PCDHA3: variants seen among roughly 807,000 people sequenced by gnomAD.
PCDHA3 encodes the protein protocadherin alpha-3.
A neutral mutation model predicts 62.2 loss-of-function variants in PCDHA3; 41 were observed. The observed-to-expected ratio is 0.66, with a 90% CI of 0.51 to 0.86. PCDHA3 has a LOEUF of 0.86. Among genes scored for constraint, PCDHA3 ranks in the 40% least tolerant of loss-of-function variants. The probability of loss-of-function intolerance (pLI) is 0.00; values close to 1 mark genes in which losing one functional copy is unlikely to be tolerated. For missense variants in PCDHA3, 1,304 were observed against 1,241.2 expected (o/e 1.05, Z -0.76); for synonymous variants, 640 against 555.4 (o/e 1.15, Z -2.14).
chr5:141,010,016 CT>C lies in PCDHA3; in HGVS notation c.*84del. 1 of 1,572,200 alleles carries C rather than the reference CT, an allele frequency of 6.4e-7. No homozygotes were observed. The highest frequency in any genetic ancestry group is 8.6e-7 in the Non-Finnish European group (1 of 1,163,240). On this transcript the variant is annotated 3_prime_UTR_variant, in exon 4 of 4. Transcript: ENST00000522353. Reference sequence around the variant, plus strand: ...TCTCCCATGTAGCAATTCCCTGCTCCTTTTTCCTATCTACATGAGCCCTCTT... The same window carrying C: ...TCTCCCATGTAGCAATTCCCTGCTCCTTTTCCTATCTACATGAGCCCTCTT...
At chr5:140,809,781 T>A in intron 1 of PCDHA3, 1 of 503,024 alleles carries the variant, frequency 2.0e-6, no homozygotes, top group South Asian at 3.5e-5. Context: ...TCAATGCATA[T>A]TAACAGAACT....
intron 1 of PCDHA3, among the ~76,000 whole-genome samples, chr5:140,902,661 C>T (rs1554190552): frequency 6.6e-6 from 1 of 152,036 alleles, no homozygotes; most frequent in Non-Finnish European, 1.5e-5. Flanking sequence ...CACCTGTCAC[C>T]CAAGCAGTGT....
At chr5:140,869,098 T>C (rs1581867822) in intron 1 of PCDHA3, 7 of 1,596,122 alleles carry the variant, frequency 4.4e-6, no homozygotes, top group Non-Finnish European at 5.1e-6. Flanking sequence ...GCCAATTTCG[T>C]ATGCGATGTT....
chr5:140,877,225 G>T, intron 1 of PCDHA3: 1 of 1,613,746 alleles, frequency 6.2e-7, no homozygotes, highest in South Asian at 1.1e-5. Context: ...ACCGCGGTCG[G>T]TGGGTGCGGG....
intron 1 of PCDHA3, chr5:140,871,176 G>T: frequency 6.2e-7 from 1 of 1,613,534 alleles, no homozygotes; most frequent in African/African-American, 1.3e-5. Context: ...CAGAGGCTGC[G>T]CTGGTGGATG....
At chr5:140,901,909 C>T (rs2068974930) in intron 1 of PCDHA3, among the ~76,000 whole-genome samples, 1 of 151,454 alleles carries the variant, frequency 6.6e-6, no homozygotes, top group African/African-American at 2.4e-5. Context: ...TTGTGGAGAT[C>T]TTTCACTTCT....
chr5:140,830,136 C>A (rs782778260), intron 1 of PCDHA3: 1 of 1,613,258 alleles, frequency 6.2e-7, no homozygotes, highest in South Asian at 1.1e-5. Flanking sequence ...TCATCACGGG[C>A]GTCGGTGGGC....
intron 1 of PCDHA3, among the ~76,000 whole-genome samples, chr5:140,898,157 G>A (rs1455235992): frequency 1.3e-5 from 2 of 152,162 alleles, no homozygotes; most frequent in South Asian, 4.1e-4. Context: ...CACGCTGATG[G>A]TGGTTTCTTT....
At chr5:140,961,558 A>T (rs1285175060) in intron 1 of PCDHA3, among the ~76,000 whole-genome samples, 1 of 151,976 alleles carries the variant, frequency 6.6e-6, no homozygotes, top group Admixed American at 6.6e-5. Context: ...TTCTTTTTTT[A>T]AATTTTGTTT....
chr5:140,873,461 T>A (rs2054305243), intron 1 of PCDHA3, among the ~76,000 whole-genome samples: 1 of 152,224 alleles, frequency 6.6e-6, no homozygotes, highest in Admixed American at 6.5e-5. Context: ...GCATTTTAGA[T>A]AATTCAAATT....
At chr5:140,892,469 A>T (rs557049666) in intron 1 of PCDHA3, among the ~76,000 whole-genome samples, 1 of 152,184 alleles carries the variant, frequency 6.6e-6, no homozygotes, top group Admixed American at 6.5e-5. Context: ...ACGGTTATTC[A>T]GTTTCCTAGC....
intron 1 of PCDHA3, chr5:140,882,641 G>A (rs1464189390): frequency 6.2e-7 from 1 of 1,614,104 alleles, no homozygotes; most frequent in Non-Finnish European, 8.5e-7. Context: ...GAAGGTGAGG[G>A]ACATTAACGA....
chr5:140,849,643 G>A, intron 1 of PCDHA3: 1 of 1,598,612 alleles, frequency 6.3e-7, no homozygotes, highest in Non-Finnish European at 8.6e-7. Flanking sequence ...GATGCCAACG[G>A]GCAGGTTACC....
At chr5:140,878,859 C>T (rs2057755620) in intron 1 of PCDHA3, among the ~76,000 whole-genome samples, 1 of 152,188 alleles carries the variant, frequency 6.6e-6, no homozygotes, top group African/African-American at 2.4e-5. Flanking sequence ...TTCAACTGAT[C>T]CTCCATTTCA....
rs781841971 is a variant in PCDHA3 at position 140,801,694 on chromosome 5, CGTT to C, written c.502_504del (p.Leu168del). 5.0e-6 allele frequency: 8 copies of C among 1,613,998 alleles called. No individual in the cohort carries two copies. The South Asian group carries it at 7.7e-5, about 16-fold the overall frequency. On this transcript the variant is annotated inframe_deletion, in exon 1 of 4. Coordinates refer to ENST00000522353, the MANE Select transcript of PCDHA3 (RefSeq NM_018906.3). ...TCAGATGCAGATATCGGAACAAATT[CGTT>C]GTTGACTTACAGTCTTGATTCCACT...
At chr5:140,984,826 T>C (rs1554246543) in intron 3 of PCDHA3, among the ~76,000 whole-genome samples, 4 of 152,188 alleles carry the variant, frequency 2.6e-5, no homozygotes, top group African/African-American at 9.6e-5. Context: ...TTAATTACCC[T>C]TTCTGTAAAT....
chr5:140,823,635 G>A (rs2150127703), intron 1 of PCDHA3: 3 of 1,613,956 alleles, frequency 1.9e-6, no homozygotes, highest in East Asian at 2.2e-5. Context: ...CGCGCATCCC[G>A]TTCCGCGTGG....
chr5:140,863,548 T>C (rs1370374159), intron 1 of PCDHA3: 6 of 380,478 alleles, frequency 1.6e-5, no homozygotes, highest in South Asian at 4.1e-5. Context: ...TGGACTTCAA[T>C]AGGAAATTTT....
intron 1 of PCDHA3, chr5:140,823,015 C>G: frequency 1.9e-6 from 3 of 1,614,224 alleles, no homozygotes; most frequent in Non-Finnish European, 2.5e-6. Flanking sequence ...CGCCCTGGAC[C>G]GCGAGAGCGT....
Sources: gnomAD v4.1 joint callset for allele counts (sites outside exome capture counted in the v4.1 genomes callset) on GRCh38, gnomAD v4.1.1 for gene constraint, MANE v1.5 for transcripts, NCBI Gene and HGNC (gene_info 2026-07-23, HGNC 2026-07-21) for gene names.